The following SLC44A5 variants were observed in gnomAD, a reference collection of about 807,000 sequenced individuals.
The protein encoded by SLC44A5 is choline transporter-like protein 5.
A neutral mutation model predicts 101.8 loss-of-function variants in SLC44A5; 57 were observed. The observed-to-expected ratio is 0.56, with a 90% CI of 0.45 to 0.70. The LOEUF (loss-of-function observed/expected upper bound fraction) is 0.70, where lower values mean the gene tolerates loss of function less well. Ranked by LOEUF, SLC44A5 falls within the 30% of genes least tolerant of loss-of-function variation. The probability of loss-of-function intolerance (pLI) is 0.00; values close to 1 mark genes in which losing one functional copy is unlikely to be tolerated. For missense variants in SLC44A5, 737 were observed against 853.1 expected (o/e 0.86, Z 1.70); for synonymous variants, 281 against 290.9 (o/e 0.97, Z 0.35).
the SLC44A5 span, among the ~76,000 whole-genome samples, chr1:75,692,125 A>C: frequency 1.3e-5 from 2 of 152,112 alleles, no homozygotes; most frequent in Non-Finnish European, 2.9e-5. Context: ...ACAAGTAAAA[A>C]ACACAGAGAG....
At chr1:75,549,643 C>T (rs569294104) in intron 1 of SLC44A5, among the ~76,000 whole-genome samples, 10 of 152,096 alleles carry the variant, frequency 6.6e-5, no homozygotes, top group African/African-American at 9.6e-5. Flanking sequence ...AGTCTTGTGA[C>T]GGCAACAGAT....
intron 2 of SLC44A5, among the ~76,000 whole-genome samples, chr1:75,433,901 G>C (rs1445966114): frequency 6.6e-6 from 1 of 152,094 alleles, no homozygotes; most frequent in African/African-American, 2.4e-5. Context: ...CAGCAGGCAA[G>C]ACAGAATGAG....
At chr1:75,594,785 T>A (rs1266218256) in intron 1 of SLC44A5, among the ~76,000 whole-genome samples, 1 of 151,814 alleles carries the variant, frequency 6.6e-6, no homozygotes, top group Non-Finnish European at 1.5e-5. Context: ...CTTTTTTTTT[T>A]ATCATTTTAG....
chr1:75,264,128 T>TAA (rs60140695), intron 6 of SLC44A5, among the ~76,000 whole-genome samples: 10 of 141,642 alleles, frequency 7.1e-5, no homozygotes, highest in African/African-American at 2.4e-4. Context: ...TTAAAGTATT[T>TAA]AAAAAAAAAA....
chr1:75,459,828 T>A (rs758624141), intron 2 of SLC44A5, among the ~76,000 whole-genome samples: 1 of 152,224 alleles, frequency 6.6e-6, no homozygotes. Context: ...ACTTTTATTA[T>A]CATTATTTAG....
intron 2 of SLC44A5, among the ~76,000 whole-genome samples, chr1:75,522,903 A>G (rs1670215648): frequency 1.3e-5 from 2 of 152,160 alleles, no homozygotes; most frequent in African/African-American, 4.8e-5. Context: ...TTGAAGGTAG[A>G]AAGAAGGAAA....
intron 3 of SLC44A5, among the ~76,000 whole-genome samples, chr1:75,368,460 G>A (rs1171117836): frequency 1.3e-5 from 2 of 152,146 alleles, no homozygotes; most frequent in Non-Finnish European, 2.9e-5. Flanking sequence ...TGCAGAACCC[G>A]TAAACACCAA....
chr1:75,276,163 G>A (rs1325259005), intron 5 of SLC44A5, among the ~76,000 whole-genome samples: 1 of 152,080 alleles, frequency 6.6e-6, no homozygotes, highest in African/African-American at 2.4e-5. Flanking sequence ...CAATGTCATA[G>A]AGGCCAAATT....
intron 4 of SLC44A5, among the ~76,000 whole-genome samples, chr1:75,319,388 T>C (rs1655964738): frequency 6.6e-6 from 1 of 152,204 alleles, no homozygotes; most frequent in Non-Finnish European, 1.5e-5. Context: ...CTTTTGAAGT[T>C]TGATTTTATT....
intron 3 of SLC44A5, among the ~76,000 whole-genome samples, chr1:75,370,787 A>G (rs1660173444): frequency 6.6e-6 from 1 of 152,194 alleles, no homozygotes; most frequent in Non-Finnish European, 1.5e-5. Flanking sequence ...GGTGTCAGAG[A>G]GATGGAGAAA....
intron 6 of SLC44A5, among the ~76,000 whole-genome samples, chr1:75,254,019 T>G (rs571449564): frequency 2.0e-5 from 3 of 152,224 alleles, no homozygotes; most frequent in Middle Eastern, 6.8e-3. Flanking sequence ...GTCACTGATA[T>G]TCTCAAATTT....
intron 6 of SLC44A5, among the ~76,000 whole-genome samples, chr1:75,263,780 C>G (rs1405328278): frequency 2.0e-5 from 3 of 152,166 alleles, no homozygotes; most frequent in Non-Finnish European, 4.4e-5. Context: ...TACATATACA[C>G]CATGGACTAC....
chr1:75,380,520 A>C (rs1170388924), intron 3 of SLC44A5, among the ~76,000 whole-genome samples: 1 of 83,324 alleles, frequency 1.2e-5, no homozygotes, highest in Non-Finnish European at 2.1e-5. Flanking sequence ...ATCCAACAGG[A>C]AAGGCTGCAT....
At chr1:75,518,059 G>C (rs1669930616) in intron 2 of SLC44A5, among the ~76,000 whole-genome samples, 1 of 152,178 alleles carries the variant, frequency 6.6e-6, no homozygotes, top group Non-Finnish European at 1.5e-5. Flanking sequence ...GGATCTTAAA[G>C]CTACATATAT....
chr1:75,632,532 C>T, the SLC44A5 span, among the ~76,000 whole-genome samples: 2 of 152,110 alleles, frequency 1.3e-5, no homozygotes, highest in Non-Finnish European at 2.9e-5. Flanking sequence ...CAAATGCTGC[C>T]TCCCTTCACC....
chr1:75,616,628 C>T, the SLC44A5 span, among the ~76,000 whole-genome samples: 1 of 152,216 alleles, frequency 6.6e-6, no homozygotes, highest in Non-Finnish European at 1.5e-5. Flanking sequence ...GCCCGAATTC[C>T]ACGCGGGCGA....
intron 13 of SLC44A5, among the ~76,000 whole-genome samples, chr1:75,227,318 T>C (rs1647224272): frequency 6.6e-6 from 1 of 152,180 alleles, no homozygotes; most frequent in Non-Finnish European, 1.5e-5. Flanking sequence ...TTAGCCATGA[T>C]TGTGCCACTG....
At chr1:75,553,873 C>A (rs1298339572) in intron 1 of SLC44A5, among the ~76,000 whole-genome samples, 1 of 150,618 alleles carries the variant, frequency 6.6e-6, no homozygotes, top group Non-Finnish European at 1.5e-5. Context: ...AGTAAGGAAT[C>A]CTTGTGGAGC....
chr1:75,425,070 T>C (rs1008273436), intron 2 of SLC44A5, among the ~76,000 whole-genome samples: 6 of 152,240 alleles, frequency 3.9e-5, no homozygotes, highest in African/African-American at 7.2e-5. Context: ...GTTGTTAAAA[T>C]GTTATCTTCA....
Sources: allele counts gnomAD v4.1 joint callset (sites outside exome capture counted in the v4.1 genomes callset), GRCh38; gene constraint gnomAD v4.1.1; transcripts MANE v1.5; gene names NCBI Gene and HGNC (gene_info 2026-07-23, HGNC 2026-07-21).